Variants in SOCS2 observed in about 807,000 individuals in gnomAD.
The protein encoded by SOCS2 is CIS-2.
In SOCS2, 10 loss-of-function variants were observed where a neutral mutation model predicts 18.6. The ratio of observed to expected loss-of-function variants is 0.54; its 90% CI spans 0.33 to 0.91. SOCS2 has a LOEUF of 0.91. SOCS2 is among the 40% of genes least tolerant of loss of function. The probability of loss-of-function intolerance (pLI) is 0.02; values close to 1 mark genes in which losing one functional copy is unlikely to be tolerated. For missense variants in SOCS2, 231 were observed against 247.2 expected (o/e 0.93, Z 0.44); for synonymous variants, 104 against 104.0 (o/e 1.00, Z 0.00).
the SOCS2 span, among the ~76,000 whole-genome samples, chr12:93,604,920 G>A: frequency 4.0e-5 from 6 of 150,764 alleles, no homozygotes; most frequent in South Asian, 2.1e-4. Context: ...CTTGGCCCCC[G>A]CAAAGTGCTA....
the SOCS2 span, among the ~76,000 whole-genome samples, chr12:93,621,399 T>C: frequency 6.6e-6 from 1 of 152,156 alleles, no homozygotes; most frequent in Non-Finnish European, 1.5e-5. Flanking sequence ...AGAGGTGAAA[T>C]CTGAATCCAG....
At chr12:93,592,946 G>C in the SOCS2 span, among the ~76,000 whole-genome samples, 2 of 130,172 alleles carry the variant, frequency 1.5e-5, no homozygotes, top group African/African-American at 5.9e-5. Flanking sequence ...TTTGGTATGT[G>C]TAATAATATC....
chr12:93,618,044 C>G, the SOCS2 span, among the ~76,000 whole-genome samples: 2 of 152,188 alleles, frequency 1.3e-5, no homozygotes, highest in African/African-American at 4.8e-5. Context: ...TTAGCACTAA[C>G]CCCCTAGTGC....
chr12:93,587,199 G>A (rs977894122), downstream of SOCS2, among the ~76,000 whole-genome samples: 1 of 152,026 alleles, frequency 6.6e-6, no homozygotes, highest in Non-Finnish European at 1.5e-5. Flanking sequence ...CATAGTCCCC[G>A]ACCTCAAGGA....
At chr12:93,580,629 AAAAAAAAAAAAGAAAAGG>A (rs1279072489), downstream of SOCS2, among the ~76,000 whole-genome samples, 3 of 151,556 alleles carry the variant, frequency 2.0e-5, no homozygotes, top group Non-Finnish European at 4.4e-5. Flanking sequence ...AAAAAAAAAA[AAAAAAAAAAAAGAAAAGG>A]AAAAGAAAAA....
the SOCS2 span, among the ~76,000 whole-genome samples, chr12:93,620,807 T>G: frequency 6.6e-6 from 1 of 152,348 alleles, no homozygotes; most frequent in African/African-American, 2.4e-5. Context: ...CTACAATTGT[T>G]AACTACACCA....
At chr12:93,591,195 A>T in the SOCS2 span, among the ~76,000 whole-genome samples, 1 of 151,922 alleles carries the variant, frequency 6.6e-6, no homozygotes, top group Non-Finnish European at 1.5e-5. Flanking sequence ...AGGCTAATGA[A>T]GCGCCAGAAG....
At chr12:93,626,058 G>A in the SOCS2 span, among the ~76,000 whole-genome samples, 7 of 152,128 alleles carry the variant, frequency 4.6e-5, no homozygotes, top group Non-Finnish European at 5.9e-5. Flanking sequence ...AATCCTCAGC[G>A]CCTGGGTTTT....
chr12:93,624,748 T>TTAG, the SOCS2 span, among the ~76,000 whole-genome samples: 1 of 114,956 alleles, frequency 8.7e-6, no homozygotes, highest in South Asian at 2.6e-4. Context: ...TGGAACCCAT[T>TTAG]AAGTTGCTCC....
chr12:93,604,685 G>T, the SOCS2 span, among the ~76,000 whole-genome samples: 44 of 152,008 alleles, frequency 2.9e-4, 1 homozygote, highest in South Asian at 6.2e-3. Flanking sequence ...TTTGAGACAG[G>T]GTTTCGTTTT....
chr12:93,614,479 CT>C, the SOCS2 span, among the ~76,000 whole-genome samples: 1,739 of 31,364 alleles, frequency 0.055, 134 homozygotes, highest in East Asian at 0.16. Flanking sequence ...TCCTTCCTTC[CT>C]TTCCTTCCTT....
At chr12:93,606,782 A>C in the SOCS2 span, among the ~76,000 whole-genome samples, 1 of 152,162 alleles carries the variant, frequency 6.6e-6, no homozygotes, top group Non-Finnish European at 1.5e-5. Flanking sequence ...CCTCCTGAGC[A>C]GCTGGGACTA....
In SOCS2 at chr12:93,575,901, C is replaced by A. The variant is rs905754393; in HGVS notation, c.*722C>A. The A allele has an allele frequency of 1.1e-4, 17 of 152,610 alleles. No homozygotes were observed. The highest frequency in any genetic ancestry group is 4.1e-4 in the African/African-American group (17 of 41,440). The allele number at this position is 152,610 out of a possible 1,614,324, so 9.5% of individuals were successfully genotyped here. A position where few individuals can be genotyped will look rare whatever the true frequency, so the allele number is the denominator to read the frequency against. On this transcript the variant is annotated 3_prime_UTR_variant, in exon 2 of 2. Coordinates refer to ENST00000551556, the MANE Select transcript of SOCS2 (RefSeq NM_001270471.2). ...TAAAGCTAAAGACAAGAATATCATG[C>A]TATACAGGTGCAACTCAATCCCCGT...
At chr12:93,618,962 A>G in the SOCS2 span, among the ~76,000 whole-genome samples, 1 of 152,144 alleles carries the variant, frequency 6.6e-6, no homozygotes, top group Non-Finnish European at 1.5e-5. Context: ...GCAGGCACAC[A>G]CCAGCACACC....
chr12:93,585,091 G>T (rs913360846), downstream of SOCS2, among the ~76,000 whole-genome samples: 1 of 151,648 alleles, frequency 6.6e-6, no homozygotes, highest in Non-Finnish European at 1.5e-5. Context: ...TCTCCTTTAG[G>T]TGTCTATCCA....
At chr12:93,581,194 A>G (rs1024189869), downstream of SOCS2, among the ~76,000 whole-genome samples, 1 of 152,208 alleles carries the variant, frequency 6.6e-6, no homozygotes, top group Non-Finnish European at 1.5e-5. Context: ...TGATAGATTG[A>G]ATCAGCCATG....
chr12:93,604,810 C>A, the SOCS2 span, among the ~76,000 whole-genome samples: 1 of 151,930 alleles, frequency 6.6e-6, no homozygotes, highest in Non-Finnish European at 1.5e-5. Flanking sequence ...AGGTGCACGG[C>A]CCCACACCTG....
chr12:93,614,423 T>C, the SOCS2 span, among the ~76,000 whole-genome samples: 1 of 109,690 alleles, frequency 9.1e-6, no homozygotes, highest in East Asian at 2.5e-4. Flanking sequence ...CTTTCTTCCT[T>C]TCTTTCCCTT....
the SOCS2 span, among the ~76,000 whole-genome samples, chr12:93,614,488 C>CTTTCTTTCTTTCT: frequency 1.0e-4 from 3 of 28,684 alleles, no homozygotes; most frequent in East Asian, 1.3e-3. Flanking sequence ...CCTTTCCTTC[C>CTTTCTTTCTTTCT]TTCCTTCCTT....
Sources: gnomAD v4.1 joint callset for allele counts (sites outside exome capture counted in the v4.1 genomes callset) on GRCh38, gnomAD v4.1.1 for gene constraint, MANE v1.5 for transcripts, NCBI Gene and HGNC (gene_info 2026-07-23, HGNC 2026-07-21) for gene names.